Variants in PDE8B observed in about 807,000 individuals in gnomAD.
PDE8B encodes the protein phosphodiesterase 8B.
A neutral mutation model predicts 101.3 loss-of-function variants in PDE8B; 26 were observed. That is an observed-to-expected ratio of 0.26 (90% CI 0.19 to 0.36). The LOEUF is 0.36. Ranked by LOEUF, PDE8B falls within the 10% of genes least tolerant of loss-of-function variation. The probability of loss-of-function intolerance (pLI) is 1.00; values close to 1 mark genes in which losing one functional copy is unlikely to be tolerated. For synonymous variants in PDE8B, 424 were observed against 429.3 expected (o/e 0.99, Z 0.15); for missense variants, 810 against 1,163.1 (o/e 0.70, Z 4.42).
chr5:77,333,322 G>A (rs1777514155), intron 5 of PDE8B, among the ~76,000 whole-genome samples: 1 of 152,158 alleles, frequency 6.6e-6, no homozygotes, highest in Non-Finnish European at 1.5e-5. Context: ...AATCAGCAAA[G>A]AAGCCATGTG....
chr5:77,383,920 C>T (rs1328665011), intron 10 of PDE8B, among the ~76,000 whole-genome samples: 1 of 152,142 alleles, frequency 6.6e-6, no homozygotes, highest in Admixed American at 6.5e-5. Flanking sequence ...AGCATGATGC[C>T]TCCAGCTTTG....
chr5:77,234,382 C>G (rs1754247074), intron 1 of PDE8B, among the ~76,000 whole-genome samples: 1 of 152,240 alleles, frequency 6.6e-6, no homozygotes, highest in South Asian at 2.1e-4. Flanking sequence ...TCACCCTCAC[C>G]CAACTCCACA....
chr5:77,234,964 T>G (rs1389688975), intron 1 of PDE8B, among the ~76,000 whole-genome samples: 1 of 152,192 alleles, frequency 6.6e-6, no homozygotes, highest in African/African-American at 2.4e-5. Flanking sequence ...AAATGCCTTG[T>G]CATCATCATA....
At chr5:77,399,035 T>C (rs151135752) in intron 10 of PDE8B, among the ~76,000 whole-genome samples, 4 of 152,346 alleles carry the variant, frequency 2.6e-5, no homozygotes, top group Non-Finnish European at 5.9e-5. Flanking sequence ...CGTCTGTGCC[T>C]TGGATGGTGG....
the PDE8B span, among the ~76,000 whole-genome samples, chr5:77,130,518 T>C: frequency 2.6e-5 from 4 of 152,262 alleles, no homozygotes; most frequent in African/African-American, 9.6e-5. Context: ...TCCCTTATTA[T>C]TTATTTAACC....
At chr5:77,164,793 C>G in the PDE8B span, among the ~76,000 whole-genome samples, 1 of 152,078 alleles carries the variant, frequency 6.6e-6, no homozygotes, top group Admixed American at 6.5e-5. Context: ...GGGGAAGGGA[C>G]ACAGCAGGAG....
At chr5:77,268,836 A>AG (rs373823569) in intron 1 of PDE8B, among the ~76,000 whole-genome samples, 5 of 150,614 alleles carry the variant, frequency 3.3e-5, no homozygotes, top group African/African-American at 1.2e-4. Context: ...GATTGGATAA[A>AG]GAAATGTGGT....
At chr5:77,128,759 A>G in the PDE8B span, among the ~76,000 whole-genome samples, 1 of 152,210 alleles carries the variant, frequency 6.6e-6, no homozygotes, top group Non-Finnish European at 1.5e-5. Flanking sequence ...CTCAAGTATT[A>G]ATAAATAAAT....
At chr5:77,302,704 C>T (rs532011472) in intron 1 of PDE8B, among the ~76,000 whole-genome samples, 58 of 152,306 alleles carry the variant, frequency 3.8e-4, no homozygotes, top group African/African-American at 1.3e-3. Context: ...AGTAAATACA[C>T]AAATAAGAGC....
chr5:77,180,449 G>A, the PDE8B span: 2 of 985,270 alleles, frequency 2.0e-6, no homozygotes, highest in African/African-American at 3.5e-5. Context: ...CCCGCCGCCG[G>A]CATGGACCAG....
the PDE8B span, among the ~76,000 whole-genome samples, chr5:77,150,920 C>G: frequency 6.6e-6 from 1 of 152,228 alleles, no homozygotes; most frequent in Non-Finnish European, 1.5e-5. Flanking sequence ...CTGTCTGCCC[C>G]CTAACCTGTG....
the PDE8B span, among the ~76,000 whole-genome samples, chr5:77,173,422 T>C: frequency 6.6e-6 from 1 of 152,170 alleles, no homozygotes; most frequent in Non-Finnish European, 1.5e-5. Flanking sequence ...TGTTGGCTGA[T>C]TTTTAAATAT....
At chr5:77,370,210 G>T (rs1368523072) in intron 10 of PDE8B, among the ~76,000 whole-genome samples, 1 of 152,122 alleles carries the variant, frequency 6.6e-6, no homozygotes, top group Non-Finnish European at 1.5e-5. Context: ...GTGTACCTTT[G>T]TGTGACCTTT....
chr5:77,417,748 C>G (rs1330337519), intron 17 of PDE8B, among the ~76,000 whole-genome samples: 1 of 152,156 alleles, frequency 6.6e-6, no homozygotes, highest in Non-Finnish European at 1.5e-5. Flanking sequence ...TCTTCTTTTA[C>G]TGCTTGGTCC....
intron 6 of PDE8B, among the ~76,000 whole-genome samples, chr5:77,344,647 C>A (rs1779831337): frequency 6.6e-6 from 1 of 152,202 alleles, no homozygotes; most frequent in Non-Finnish European, 1.5e-5. Context: ...TTAGCCACTT[C>A]CCAAAGGCCC....
the PDE8B span, among the ~76,000 whole-genome samples, chr5:77,190,715 G>A: frequency 6.6e-6 from 1 of 152,182 alleles, no homozygotes; most frequent in Non-Finnish European, 1.5e-5. Context: ...CATCACTTTG[G>A]CTCTAGCATA....
chr5:77,217,815 C>T (rs984307908), intron 1 of PDE8B, among the ~76,000 whole-genome samples: 1 of 152,240 alleles, frequency 6.6e-6, no homozygotes, highest in African/African-American at 2.4e-5. Context: ...GGATTACAGG[C>T]GTGAACCACC....
the PDE8B span, chr5:77,146,910 C>A: frequency 2.3e-6 from 1 of 430,294 alleles, no homozygotes; most frequent in Non-Finnish European, 4.6e-6. Context: ...GCCCGAAAAT[C>A]AAAGGAGAAC....
chr5:77,186,024 T>C, the PDE8B span, among the ~76,000 whole-genome samples: 2 of 152,206 alleles, frequency 1.3e-5, no homozygotes, highest in Admixed American at 6.5e-5. Context: ...TTAAATGAGA[T>C]AATCTATGTA....
Sources: gnomAD v4.1 joint callset for allele counts (sites outside exome capture counted in the v4.1 genomes callset) on GRCh38, gnomAD v4.1.1 for gene constraint, MANE v1.5 for transcripts, NCBI Gene and HGNC (gene_info 2026-07-23, HGNC 2026-07-21) for gene names.